SNTG2: variants seen among roughly 807,000 people sequenced by gnomAD.
SNTG2 encodes gamma-2-syntrophin.
SNTG2 carries 74 observed loss-of-function variants against 70.9 expected under a neutral mutation model. That is an observed-to-expected ratio of 1.04 (90% CI 0.86 to 1.27). The LOEUF (loss-of-function observed/expected upper bound fraction) is 1.27. SNTG2 is among the 50% of genes most tolerant of loss of function. The probability of loss-of-function intolerance (pLI) is 0.00; values close to 1 mark genes in which losing one functional copy is unlikely to be tolerated. For synonymous variants in SNTG2, 278 were observed against 273.8 expected, an observed-to-expected ratio of 1.02 and a Z score of -0.15; for missense variants, 717 against 690.7, an observed-to-expected ratio of 1.04 and a Z score of -0.43.
intron 9 of SNTG2, among the ~76,000 whole-genome samples, chr2:1,230,053 G>T (rs528760654): frequency 6.6e-6 from 1 of 152,220 alleles, no homozygotes; most frequent in Non-Finnish European, 1.5e-5. Flanking sequence ...ACAGTGCAGC[G>T]GTGGGCTGAA....
rs754201991 is a variant in SNTG2, at chr2:1,259,382, G to A, written c.1018G>A (p.Asp340Asn). The change falls in exon 13 of 17, where the codon GAT becomes AAT. Residue 340 changes from aspartate (D) to asparagine (N), a missense_variant. Physicochemically the swap from Asp to Asn is conservative, Grantham distance 23. Transcript: ENST00000308624. ...CTGTTTCTTGCAGGTGAGCACATTC[G>A]ATTGGGTGCGAGCAGAAAGGACCTA... ...VFSTPPVSTF[D>N]WVRAERTYHL... 10 of 1,613,818 alleles carry A rather than the reference G, an allele frequency of 6.2e-6. No individual in the cohort carries two copies. The highest frequency in any genetic ancestry group is 2.7e-5 in the African/African-American group (2 of 74,906).
chr2:965,929 G>C (rs1660547634), intron 1 of SNTG2, among the ~76,000 whole-genome samples: 1 of 152,136 alleles, frequency 6.6e-6, no homozygotes, highest in South Asian at 2.1e-4. Flanking sequence ...GAGACCCTTA[G>C]GGCGGGCTGG....
chr2:967,204 CTT>C (rs1660596784), intron 1 of SNTG2, among the ~76,000 whole-genome samples: 3 of 152,134 alleles, frequency 2.0e-5, no homozygotes, highest in Admixed American at 6.5e-5. Flanking sequence ...AACTGGTACT[CTT>C]TTTCTTTTTT....
intron 14 of SNTG2, among the ~76,000 whole-genome samples, chr2:1,269,786 A>G (rs139117149): frequency 6.9e-4 from 105 of 152,358 alleles, no homozygotes; most frequent in African/African-American, 2.4e-3. Context: ...AACATTTTCA[A>G]TAATCCAGGA....
At chr2:1,144,660 A>G (rs185350296) in intron 6 of SNTG2, among the ~76,000 whole-genome samples, 2 of 152,346 alleles carry the variant, frequency 1.3e-5, no homozygotes, top group African/African-American at 4.8e-5. Flanking sequence ...CAGACAAAAG[A>G]GAATGAGAAA....
intron 1 of SNTG2, among the ~76,000 whole-genome samples, chr2:983,539 A>G (rs1433123207): frequency 6.6e-6 from 1 of 152,156 alleles, no homozygotes; most frequent in Non-Finnish European, 1.5e-5. Context: ...CCCAGATCTA[A>G]CCCTCCGAAA....
intron 13 of SNTG2, among the ~76,000 whole-genome samples, chr2:1,266,748 T>C (rs1678756739): frequency 1.1e-5 from 1 of 93,320 alleles, no homozygotes; most frequent in Non-Finnish European, 2.1e-5. Context: ...CTTTCATCTT[T>C]ATCTTTTTTT....
intron 1 of SNTG2, among the ~76,000 whole-genome samples, chr2:981,336 A>G (rs1426073101): frequency 6.6e-6 from 1 of 152,220 alleles, no homozygotes; most frequent in Non-Finnish European, 1.5e-5. Context: ...GTAGTATATA[A>G]TGTTGCTGTT....
At chr2:1,058,214 GA>G (rs147021151) in intron 1 of SNTG2, among the ~76,000 whole-genome samples, 6 of 150,136 alleles carry the variant, frequency 4.0e-5, no homozygotes, top group Admixed American at 6.6e-5. Flanking sequence ...ACAGTTTTTT[GA>G]AAAAAAAAGA....
intron 6 of SNTG2, among the ~76,000 whole-genome samples, chr2:1,148,877 C>T (rs756351306): frequency 2.6e-5 from 4 of 152,034 alleles, no homozygotes; most frequent in African/African-American, 9.7e-5. Context: ...GCAGGTGCCT[C>T]CTGCCCTGGT....
At chr2:1,307,704 T>C (rs1177600639) in intron 14 of SNTG2, among the ~76,000 whole-genome samples, 1 of 152,244 alleles carries the variant, frequency 6.6e-6, no homozygotes, top group East Asian at 1.9e-4. Context: ...GGGTCCCTGC[T>C]TCTTTCGTCT....
chr2:1,241,520 G>C (rs1476811110), intron 11 of SNTG2, among the ~76,000 whole-genome samples: 1 of 150,956 alleles, frequency 6.6e-6, no homozygotes, highest in African/African-American at 2.5e-5. Flanking sequence ...TGTGCACAAC[G>C]TGCAGGTTAG....
In SNTG2 at chr2:1,051,148, C is replaced by CCCTCCCTCTCCCCCTTTCTT. The variant is rs1553314796; in HGVS notation, c.73-32361_73-32342dup. ...TTCAATGTTTACACATTTCCTTCCT[C>CCCTCCCTCTCCCCCTTTCTT]CCTCCCTCTCCCCCTTTCTTCCTCC... On this transcript the variant is annotated intron_variant, in intron 1 of 16. Transcript: ENST00000308624. Among the ~76,000 whole-genome samples, 16 of 83,724 alleles carry CCCTCCCTCTCCCCCTTTCTT rather than the reference C, an allele frequency of 1.9e-4. 1 individual carries two copies. The highest frequency in any genetic ancestry group is 5.9e-4 in the African/African-American group (14 of 23,840). 54.9% of individuals were successfully genotyped at this position (83,724 alleles called of 152,430 possible).
At position 974,528 on chromosome 2, in the gene SNTG2, G is replaced by C. The variant is rs1660849243; in HGVS notation, c.72+23460G>C. Among the ~76,000 whole-genome samples the C allele has an allele frequency of 2.0e-5, 3 of 152,158 alleles. No homozygotes were observed. The South Asian group carries it at 6.2e-4, about 32-fold the overall frequency. ...CAGGAGCTGGACACTGGTTTCCTTG[G>C]GTGTCCTCCCTGCCTCAGTCTTTGC... On this transcript the variant is annotated intron_variant, in intron 1 of 16. Transcript: ENST00000308624.
intron 4 of SNTG2, among the ~76,000 whole-genome samples, chr2:1,123,997 C>T (rs62107422): frequency 0.46 from 70,533 of 151,738 alleles, 16,832 homozygotes; most frequent in South Asian, 0.54. Flanking sequence ...GGGGAGATGA[C>T]GGTCAGAGGG....
At chr2:1,261,994 G>A (rs796102519) in intron 13 of SNTG2, among the ~76,000 whole-genome samples, 46 of 152,276 alleles carry the variant, frequency 3.0e-4, no homozygotes, top group African/African-American at 9.6e-4. Flanking sequence ...GTTCTAGAAC[G>A]TGTTCTCCAC....
At position 959,893 on chromosome 2, in the gene SNTG2, G is replaced by A. The variant is rs1387121785; in HGVS notation, c.72+8825G>A. Reference sequence around the variant, plus strand: ...ATATGAGATGGAAAAATACAAGGAAGGAAAGTTCCTGTGACCTGGTCTATA... The same window carrying A: ...ATATGAGATGGAAAAATACAAGGAAAGAAAGTTCCTGTGACCTGGTCTATA... On this transcript the variant is annotated intron_variant, in intron 1 of 16. Transcript: ENST00000308624. 2.6e-5 allele frequency among the ~76,000 whole-genome samples: 4 copies of A among 152,080 alleles called. No homozygotes were observed. In the East Asian group the frequency reaches 5.8e-4, roughly 22 times the overall value.
intron 14 of SNTG2, among the ~76,000 whole-genome samples, chr2:1,297,248 T>G (rs1265037080): frequency 6.6e-6 from 1 of 152,234 alleles, no homozygotes; most frequent in Non-Finnish European, 1.5e-5. Context: ...GCAGAATCCA[T>G]ACTCATCACC....
intron 16 of SNTG2, among the ~76,000 whole-genome samples, chr2:1,364,703 T>C (rs778920364): frequency 3.0e-4 from 41 of 135,290 alleles, no homozygotes; most frequent in Admixed American, 7.9e-5. Flanking sequence ...CCATCCTGGC[T>C]AACATGGTGA....
Sources: allele counts gnomAD v4.1 joint callset (sites outside exome capture counted in the v4.1 genomes callset), GRCh38; gene constraint gnomAD v4.1.1; transcripts MANE v1.5; gene names NCBI Gene and HGNC (gene_info 2026-07-23, HGNC 2026-07-21).